DOCK4: variants seen among roughly 807,000 people sequenced by gnomAD.
DOCK4 encodes the protein dedicator of cytokinesis 4, also known as dedicator of cytokinesis protein 4.
In DOCK4, 97 loss-of-function variants were observed where a neutral mutation model predicts 268.1. The ratio of observed to expected loss-of-function variants is 0.36; its 90% CI spans 0.31 to 0.43. The LOEUF (loss-of-function observed/expected upper bound fraction) is 0.43, where lower values mean the gene tolerates loss of function less well. DOCK4 is among the 20% of genes least tolerant of loss of function. The probability of loss-of-function intolerance (pLI) is 1.00; values close to 1 mark genes in which losing one functional copy is unlikely to be tolerated. For synonymous variants in DOCK4, 954 were observed against 887.2 expected (o/e 1.08, Z -1.34); for missense variants, 2,145 against 2,455.7 (o/e 0.87, Z 2.67).
intron 43 of DOCK4, among the ~76,000 whole-genome samples, chr7:111,747,054 A>ATT (rs1491508220): frequency 6.6e-6 from 1 of 151,980 alleles, no homozygotes; most frequent in Non-Finnish European, 1.5e-5. Flanking sequence ...ACACACACAC[A>ATT]TTTTTATTAT....
chr7:111,901,905 T>C, intron 13 of DOCK4, 104 bp from the exon 14 acceptor site: 1 of 778,990 alleles, frequency 1.3e-6, no homozygotes, highest in Non-Finnish European at 2.0e-6. Flanking sequence ...CTGCTATACA[T>C]ACATATAAAA....
intron 15 of DOCK4, among the ~76,000 whole-genome samples, chr7:111,896,602 C>T (rs573803040): frequency 6.6e-6 from 1 of 151,772 alleles, no homozygotes; most frequent in Non-Finnish European, 1.5e-5. Flanking sequence ...AGCCAGCAGC[C>T]TGTTAAGGGC....
intron 30 of DOCK4, among the ~76,000 whole-genome samples, chr7:111,795,665 A>G (rs988972151): frequency 2.0e-5 from 3 of 152,142 alleles, no homozygotes; most frequent in African/African-American, 7.2e-5. Flanking sequence ...ACTTTGTCAC[A>G]TGTAATTAGT....
chr7:111,744,887 G>C (rs1796163456), intron 44 of DOCK4, among the ~76,000 whole-genome samples: 1 of 152,178 alleles, frequency 6.6e-6, no homozygotes, highest in Admixed American at 6.5e-5. Flanking sequence ...TAAGCCTACA[G>C]AGCATAAAAG....
At chr7:111,772,915 G>A (rs1449709204) in intron 36 of DOCK4, among the ~76,000 whole-genome samples, 2 of 152,196 alleles carry the variant, frequency 1.3e-5, no homozygotes, top group Non-Finnish European at 2.9e-5. Flanking sequence ...TGCCAGGTGT[G>A]GGTCAGGTGC....
chr7:111,965,545 G>C (rs370754566), intron 8 of DOCK4, among the ~76,000 whole-genome samples: 3 of 42,762 alleles, frequency 7.0e-5, no homozygotes, highest in East Asian at 2.1e-3. Flanking sequence ...GGAGCACCCA[G>C]ATTCATAAAG....
At chr7:111,786,142 TA>T (rs1319633005) in intron 32 of DOCK4, among the ~76,000 whole-genome samples, 1 of 152,232 alleles carries the variant, frequency 6.6e-6, no homozygotes, top group African/African-American at 2.4e-5. Flanking sequence ...GTGTGATCAC[TA>T]AAAATCTTTG....
intron 39 of DOCK4, among the ~76,000 whole-genome samples, chr7:111,763,579 C>T (rs1424566030): frequency 5.3e-5 from 8 of 152,256 alleles, no homozygotes; most frequent in African/African-American, 1.9e-4. Flanking sequence ...TTTTTTAAAA[C>T]TTTATACTTT....
chr7:112,141,916 G>T (rs772040307), intron 1 of DOCK4, among the ~76,000 whole-genome samples: 1 of 152,138 alleles, frequency 6.6e-6, no homozygotes, highest in African/African-American at 2.4e-5. Flanking sequence ...TGCTCCATTT[G>T]TTCAAGAGAG....
At chr7:112,097,730 T>C (rs1436961124) in intron 1 of DOCK4, among the ~76,000 whole-genome samples, 1 of 152,230 alleles carries the variant, frequency 6.6e-6, no homozygotes, top group Non-Finnish European at 1.5e-5. Flanking sequence ...AACTTGGTCA[T>C]TCCTGGGCCT....
At chr7:112,160,233 G>A (rs1199044646) in intron 1 of DOCK4, among the ~76,000 whole-genome samples, 1 of 152,074 alleles carries the variant, frequency 6.6e-6, no homozygotes, top group Non-Finnish European at 1.5e-5. Context: ...AGAGGCTCCT[G>A]CTTTACCTCT....
At chr7:111,884,276 C>G (rs1307951554) in intron 16 of DOCK4, among the ~76,000 whole-genome samples, 1 of 152,198 alleles carries the variant, frequency 6.6e-6, no homozygotes, top group African/African-American at 2.4e-5. Context: ...AGGCACTGCT[C>G]TGCACTGCGT....
In DOCK4 at chr7:111,809,345, C is replaced by T. The variant is rs1190560321; in HGVS notation, c.3063G>A (p.Gln1021=). 3 of 1,567,430 alleles carry T rather than the reference C, an allele frequency of 1.9e-6. No individual in the cohort carries two copies. Among genetic ancestry groups the T allele is most frequent in the Non-Finnish European group, 1.7e-6 (2 of 1,154,232 alleles). ...AVIFINQLCL[Q]LEMFTPSKKK... is the part of the protein sequence containing the mutation. ...TCTTGGAAGGTGTGAACATCTCCAA[C>T]TGCAGACACAACTGGTTTATAAAAA... Residue 1021 remains glutamine, a synonymous_variant, in exon 29 of 53, where the codon CAG becomes CAA. Coordinates refer to ENST00000428084, the MANE Select transcript of DOCK4 (RefSeq NM_001363540.2).
intron 13 of DOCK4, among the ~76,000 whole-genome samples, chr7:111,912,415 A>G (rs1012372986): frequency 1.3e-5 from 2 of 152,216 alleles, no homozygotes; most frequent in Non-Finnish European, 2.9e-5. Context: ...AAAAGGGCAG[A>G]AGCTCTTTGT....
At chr7:112,005,841 A>G (rs756290285) in intron 1 of DOCK4, among the ~76,000 whole-genome samples, 1 of 152,074 alleles carries the variant, frequency 6.6e-6, no homozygotes, top group Admixed American at 6.6e-5. Context: ...CACCTTCTTG[A>G]ACACAGCAGT....
At chr7:112,047,089 G>A (rs1324687633) in intron 1 of DOCK4, among the ~76,000 whole-genome samples, 1 of 152,162 alleles carries the variant, frequency 6.6e-6, no homozygotes, top group Admixed American at 6.5e-5. Context: ...CATGGGGCCT[G>A]TTCCCATTAG....
intron 12 of DOCK4, among the ~76,000 whole-genome samples, chr7:111,916,856 G>T (rs1792629416): frequency 6.6e-6 from 1 of 151,216 alleles, no homozygotes. Flanking sequence ...GTGGTATTTG[G>T]TTACATGAGT....
chr7:111,983,085 G>A (rs970223802), intron 7 of DOCK4, among the ~76,000 whole-genome samples: 3 of 152,148 alleles, frequency 2.0e-5, no homozygotes, highest in Admixed American at 6.5e-5. Flanking sequence ...ACACCACTCT[G>A]AAGAAATTCA....
chr7:112,068,876 C>A (rs1340073422), intron 1 of DOCK4, among the ~76,000 whole-genome samples: 1 of 151,980 alleles, frequency 6.6e-6, no homozygotes, highest in African/African-American at 2.4e-5. Flanking sequence ...AAGTGCCTCA[C>A]CAGAGAATAA....
Sources: allele counts gnomAD v4.1 joint callset (sites outside exome capture counted in the v4.1 genomes callset), GRCh38; gene constraint gnomAD v4.1.1; transcripts MANE v1.5; gene names NCBI Gene and HGNC (gene_info 2026-07-23, HGNC 2026-07-21).